PLCL1: variants seen among roughly 807,000 people sequenced by gnomAD.
The protein encoded by PLCL1 is phospholipase C like 1 (inactive).
In PLCL1, 41 loss-of-function variants were observed where a neutral mutation model predicts 84.4. That is an observed-to-expected ratio of 0.49 (90% CI 0.38 to 0.63). The LOEUF (loss-of-function observed/expected upper bound fraction) is 0.63. PLCL1 is among the 30% of genes least tolerant of loss of function. The pLI is 0.00. For synonymous variants in PLCL1, 490 were observed against 488.3 expected (o/e 1.00, Z -0.05); for missense variants, 1,206 against 1,367.8 (o/e 0.88, Z 1.87).
At chr2:198,019,090 A>G (rs7559096) in intron 1 of PLCL1, among the ~76,000 whole-genome samples, 30,880 of 152,142 alleles carry the variant, frequency 0.2, 3,234 homozygotes, top group East Asian at 0.26. Flanking sequence ...CCAGGCAAAC[A>G]GGGTCTGGAG....
At chr2:198,039,873 G>A (rs1480314079) in intron 1 of PLCL1, among the ~76,000 whole-genome samples, 3 of 152,138 alleles carry the variant, frequency 2.0e-5, no homozygotes, top group Non-Finnish European at 4.4e-5. Flanking sequence ...CAGCTGCTAT[G>A]TTCTAGAAAA....
chr2:197,953,602 C>T (rs1262752706), intron 1 of PLCL1, among the ~76,000 whole-genome samples: 1 of 152,116 alleles, frequency 6.6e-6, no homozygotes. Context: ...ATTCTGATTC[C>T]TAGAGGCATA....
chr2:197,967,466 G>A (rs1689768541), intron 1 of PLCL1, among the ~76,000 whole-genome samples: 1 of 152,080 alleles, frequency 6.6e-6, no homozygotes, highest in Non-Finnish European at 1.5e-5. Context: ...AGTAACTTGG[G>A]TATCACTAGA....
rs3056105 is a variant in PLCL1 at position 197,903,468 on chromosome 2, A to ATTTTTTTTTTTTTTTT, written c.240+98147_240+98162dup. ...GTATCTTCCTTTTTACTCCATTTAA[A>ATTTTTTTTTTTTTTTT]TTTTTTTTTTTTTTTTTTTTTTTTT... On this transcript the variant is annotated intron_variant, in intron 1 of 5. Transcript: ENST00000428675. 8.4e-4 allele frequency among the ~76,000 whole-genome samples: 40 copies of ATTTTTTTTTTTTTTTT among 47,794 alleles called. 8 individuals are homozygous for ATTTTTTTTTTTTTTTT. Among genetic ancestry groups the ATTTTTTTTTTTTTTTT allele is most frequent in the Admixed American group, 1.6e-3 (4 of 2,518 alleles). The allele number at this position is 47,794 out of a possible 152,430, so 31.4% of individuals were successfully genotyped here. A position where few individuals can be genotyped will look rare whatever the true frequency, so the allele number is the denominator to read the frequency against.
At chr2:198,097,173 G>A (rs1693220074) in intron 3 of PLCL1, among the ~76,000 whole-genome samples, 2 of 152,250 alleles carry the variant, frequency 1.3e-5, no homozygotes, top group South Asian at 2.1e-4. Context: ...AACAGAGCTC[G>A]GTGTTTAAAA....
chr2:197,862,424 T>A (rs1687448789), intron 1 of PLCL1, among the ~76,000 whole-genome samples: 5 of 152,170 alleles, frequency 3.3e-5, no homozygotes. Flanking sequence ...TTATTTCTAG[T>A]GAAATCAGAT....
chr2:198,118,991 G>A lies in PLCL1; in HGVS notation c.3105+15055G>A, dbSNP rs570322023. Among the ~76,000 whole-genome samples the A allele has an allele frequency of 4.7e-4, 72 of 152,008 alleles. 1 individual carries two copies. Among genetic ancestry groups the A allele is most frequent in the Non-Finnish European group, 8.2e-4 (56 of 67,966 alleles). ...TTCATATACAGTAGTGTGTCTTCAT[G>A]TGAAACTATTGTTATTTGTGTATTG... is the stretch of plus-strand genomic sequence containing the variant. On this transcript the variant is annotated intron_variant, in intron 5 of 5. Transcript: ENST00000428675.
At chr2:197,955,483 A>G (rs1027285842) in intron 1 of PLCL1, among the ~76,000 whole-genome samples, 2 of 148,532 alleles carry the variant, frequency 1.3e-5, no homozygotes, top group Admixed American at 1.3e-4. Context: ...GGTTTGTTAC[A>G]TAAGTATATG....
At position 197,869,364 on chromosome 2, in the gene PLCL1, C is replaced by T. The variant is rs563586694; in HGVS notation, c.240+64025C>T. ...ACCTCCTCTGACTCCCCTGAATTTA[C>T]GTATCTTTTTCTTTTTTTTTTGCCT... is the stretch of plus-strand genomic sequence containing the variant. On this transcript the variant is annotated intron_variant, in intron 1 of 5. Coordinates refer to ENST00000428675, the MANE Select transcript of PLCL1 (RefSeq NM_006226.4). Among the ~76,000 whole-genome samples the T allele has an allele frequency of 5.3e-5, 8 of 152,006 alleles. No homozygotes were observed. In the East Asian group the frequency reaches 7.7e-4, roughly 15 times the overall value.
chr2:197,995,130 T>C (rs1690431094), intron 1 of PLCL1, among the ~76,000 whole-genome samples: 1 of 152,210 alleles, frequency 6.6e-6, no homozygotes, highest in Non-Finnish European at 1.5e-5. Context: ...GTGTTATCAT[T>C]TTGCTCTGTT....
chr2:197,861,179 C>T (rs905417707), intron 1 of PLCL1, among the ~76,000 whole-genome samples: 34 of 152,172 alleles, frequency 2.2e-4, no homozygotes, highest in Non-Finnish European at 1.3e-4. Flanking sequence ...GTAGTTGGAA[C>T]TGTTTAAGCC....
At chr2:198,029,449 G>C (rs557581239) in intron 1 of PLCL1, among the ~76,000 whole-genome samples, 2 of 152,228 alleles carry the variant, frequency 1.3e-5, no homozygotes, top group East Asian at 3.9e-4. Flanking sequence ...CATTCTCTTT[G>C]GGATCTAAAT....
At chr2:197,814,100 G>C (rs1655412809) in intron 1 of PLCL1, among the ~76,000 whole-genome samples, 1 of 152,076 alleles carries the variant, frequency 6.6e-6, no homozygotes, top group Non-Finnish European at 1.5e-5. Context: ...TGAGAGGAGT[G>C]GGGCTCCTAG....
chr2:197,860,807 A>T (rs567808564), intron 1 of PLCL1, among the ~76,000 whole-genome samples: 1 of 152,098 alleles, frequency 6.6e-6, no homozygotes, highest in Admixed American at 6.5e-5. Flanking sequence ...ATTTTCTCCC[A>T]TTCTGTAGGT....
intron 1 of PLCL1, among the ~76,000 whole-genome samples, chr2:197,955,249 G>T (rs1465616512): frequency 1.3e-5 from 2 of 151,992 alleles, no homozygotes; most frequent in African/African-American, 4.8e-5. Context: ...TCAGGTAAAA[G>T]CCTTTGGTGG....
chr2:198,119,060 C>G (rs1044664562), intron 5 of PLCL1, among the ~76,000 whole-genome samples: 2 of 151,918 alleles, frequency 1.3e-5, no homozygotes, highest in Admixed American at 1.3e-4. Context: ...TTACATACAT[C>G]AGATGAGGAA....
At chr2:198,087,677 G>A (rs1401114502) in intron 2 of PLCL1, among the ~76,000 whole-genome samples, 1 of 152,074 alleles carries the variant, frequency 6.6e-6, no homozygotes, top group Non-Finnish European at 1.5e-5. Flanking sequence ...GTAACTTAAA[G>A]AGTCTAATTG....
At chr2:197,897,661 T>C (rs1472316477) in intron 1 of PLCL1, among the ~76,000 whole-genome samples, 3 of 152,228 alleles carry the variant, frequency 2.0e-5, no homozygotes, top group African/African-American at 7.2e-5. Context: ...ACTTGTTTAG[T>C]GACCAAAAAC....
intron 1 of PLCL1, among the ~76,000 whole-genome samples, chr2:197,942,639 G>A (rs1445680804): frequency 6.6e-6 from 1 of 152,282 alleles, no homozygotes; most frequent in Non-Finnish European, 1.5e-5. Flanking sequence ...CACAAGGGAC[G>A]CATGAATTTT....
Sources: gnomAD v4.1 joint callset for allele counts (sites outside exome capture counted in the v4.1 genomes callset) on GRCh38, gnomAD v4.1.1 for gene constraint, MANE v1.5 for transcripts, NCBI Gene and HGNC (gene_info 2026-07-23, HGNC 2026-07-21) for gene names.